The following ATMIN variants were observed in gnomAD, a reference collection of about 807,000 sequenced individuals.
ATMIN encodes the protein ATM interactor.
In ATMIN, 24 loss-of-function variants were observed where a neutral mutation model predicts 49.2. The observed-to-expected ratio is 0.49, with a 90% confidence interval of 0.35 to 0.69. The LOEUF is 0.69. Ranked by LOEUF, ATMIN falls within the 30% of genes least tolerant of loss-of-function variation. The pLI is 0.00. For synonymous variants in ATMIN, 450 were observed against 392.5 expected (o/e 1.15, Z -1.73); for missense variants, 1,037 against 1,005.5 (o/e 1.03, Z -0.42).
In ATMIN at chr16:81,043,936, A is replaced by G; in HGVS notation, c.1438A>G (p.Met480Val). 2 of 1,614,172 alleles carry G rather than the reference A, an allele frequency of 1.2e-6. No individual in the cohort carries two copies. The highest frequency in any genetic ancestry group is 1.6e-4 in the Middle Eastern group (1 of 6,062). ...SSIAAQTDAF[M>V]DTCFQSGGVS... ...TATAGCTGCTCAGACTGATGCATTT[A>G]TGGACACCTGTTTCCAGTCAGGTGG... Residue 480 changes from methionine (M) to valine (V), a missense_variant, in exon 4 of 4, where the codon ATG becomes GTG. Physicochemically the swap from Met to Val is conservative, Grantham distance 21. Transcript: ENST00000299575.
chr16:81,044,900 C>G lies in ATMIN; in HGVS notation c.2402C>G (p.Thr801Arg). 6.2e-7 allele frequency: 1 copy of G among 1,614,108 alleles called. No homozygotes were observed. Among genetic ancestry groups the G allele is most frequent in the Non-Finnish European group, 8.5e-7 (1 of 1,179,982 alleles). The change falls in exon 4 of 4, where the codon ACG (threonine) becomes AGG (arginine). Residue 801 changes from threonine (T) to arginine (R), a missense_variant. Physicochemically the swap from Thr to Arg is moderately conservative, Grantham distance 71 (BLOSUM62 -1). Coordinates refer to ENST00000299575, the MANE Select transcript of ATMIN (RefSeq NM_015251.3). The stretch of plus-strand genomic sequence containing the variant: ...CTTCTGGCTGATCTGGCCTGGAACA[C>G]GATGGAGTCTCAGTTCAGCTCTGTA... ...DFLLADLAWN[T>R]MESQFSSVET...
Position 81,043,423 on chromosome 16 carries a change from A to G in ATMIN, c.925A>G (p.Met309Val), listed in dbSNP as rs1274185917. Residue 309 changes from methionine to valine, a missense_variant, in exon 4 of 4, where the codon ATG (methionine) becomes GTG (valine). Physicochemically the swap from Met to Val is conservative, Grantham distance 21. Coordinates refer to ENST00000299575, the MANE Select transcript of ATMIN (RefSeq NM_015251.3). ...PKVALVKLPVMQFSVMPVFVP... is the reference protein window; with the variant it reads ...PKVALVKLPVVQFSVMPVFVP... ...AGTGGCTTTGGTTAAACTACCCGTGATGCAGTTTTCTGTCATGCCTGTCTT... is the reference window on the plus strand; with the variant it reads ...AGTGGCTTTGGTTAAACTACCCGTGGTGCAGTTTTCTGTCATGCCTGTCTT... 2.8e-5 allele frequency: 45 copies of G among 1,612,920 alleles called. No individual in the cohort carries two copies. The East Asian group carries it at 1.0e-3, about 36-fold the overall frequency.
Position 81,043,161 on chromosome 16 carries a change from G to A in ATMIN, c.663G>A (p.Arg221=). 3.1e-6 allele frequency: 5 copies of A among 1,589,554 alleles called. No homozygotes were observed. The highest frequency in any genetic ancestry group is 4.3e-6 in the Non-Finnish European group (5 of 1,172,058). ...RTGHEIPAEH[R]DPPSKKRKME... is the part of the protein sequence containing the mutation. Reference sequence around the variant, plus strand: ...CTTTTTGCTCTGTCATTGTTTTCAGGGACCCACCTAGTAAGAAAAGGAAAA... The same window carrying A: ...CTTTTTGCTCTGTCATTGTTTTCAGAGACCCACCTAGTAAGAAAAGGAAAA... The change falls in exon 4 of 4, where the codon AGG becomes AGA. Residue 221 remains arginine (R), a splice_region_variant and synonymous_variant. Coordinates refer to ENST00000299575, the MANE Select transcript of ATMIN (RefSeq NM_015251.3).
rs1376492968 is a variant in ATMIN at position 81,035,939 on chromosome 16, G to A, written c.69G>A (p.Pro23=). The A allele has an allele frequency of 6.1e-5, 61 of 1,001,924 alleles. No individual in the cohort carries two copies. The highest frequency in any genetic ancestry group is 6.9e-5 in the Non-Finnish European group (58 of 842,396). The allele number at this position is 1,001,924 out of a possible 1,614,324, so 62.1% of individuals were successfully genotyped here. Residue 23 remains proline (P), a synonymous_variant, in exon 1 of 4, where the codon CCG becomes CCA. Coordinates refer to ENST00000299575, the MANE Select transcript of ATMIN (RefSeq NM_015251.3). ...AALAAGARAV[P]AATTGAAAAA... ...TGGCGGCGGGTGCCCGGGCCGTCCC[G>A]GCGGCCACGACAGGAGCCGCCGCCG... is the stretch of plus-strand genomic sequence containing the variant.
At chr16:81,041,206 C>A in intron 1 of ATMIN, 150 bp from the exon 2 acceptor site, 1 of 802,152 alleles carries the variant, frequency 1.2e-6, no homozygotes, top group Non-Finnish European at 1.9e-6. Context: ...TCTACTCATA[C>A]TCTTTTTCTC....
Sources: gnomAD v4.1 joint callset for allele counts on GRCh38, gnomAD v4.1.1 for gene constraint, MANE v1.5 for transcripts, NCBI Gene and HGNC (gene_info 2026-07-23, HGNC 2026-07-21) for gene names.